MAP2: variants seen among roughly 807,000 people sequenced by gnomAD.
MAP2 encodes the protein microtubule associated protein 2.
MAP2 carries 14 observed loss-of-function variants against 137.6 expected under a neutral mutation model. The observed-to-expected ratio is 0.10, with a 90% CI of 0.07 to 0.16. The LOEUF (loss-of-function observed/expected upper bound fraction) is 0.16. Among genes scored for constraint, MAP2 ranks in the 10% least tolerant of loss-of-function variants. The probability of loss-of-function intolerance (pLI) is 1.00; values close to 1 mark genes in which losing one functional copy is unlikely to be tolerated. For synonymous variants in MAP2, 786 were observed against 782.3 expected (o/e 1.00, Z -0.08); for missense variants, 2,088 against 2,191.5 (o/e 0.95, Z 0.94).
At chr2:209,508,548 A>G (rs553514208) in intron 2 of MAP2, among the ~76,000 whole-genome samples, 1 of 148,016 alleles carries the variant, frequency 6.8e-6, no homozygotes, top group East Asian at 2.0e-4. Flanking sequence ...CCAAATACAT[A>G]TAAGCACACA....
rs1163874064 is a variant in MAP2, at chr2:209,546,722, C to G, written c.-171-33314C>G. Among the ~76,000 whole-genome samples the G allele has an allele frequency of 2.0e-5, 3 of 152,284 alleles. No homozygotes were observed. In the East Asian group the frequency reaches 5.8e-4, roughly 29 times the overall value. Reference sequence around the variant, plus strand: ...CAAAATTTGTTTGATTCTCAAAAGGCCACACTATGTTACAAATCAGAAAAA... The same window carrying G: ...CAAAATTTGTTTGATTCTCAAAAGGGCACACTATGTTACAAATCAGAAAAA... On this transcript the variant is annotated intron_variant, in intron 2 of 15. Coordinates refer to ENST00000682079, the MANE Select transcript of MAP2 (RefSeq NM_001375505.1).
intron 4 of MAP2, among the ~76,000 whole-genome samples, chr2:209,636,832 T>A (rs1378365126): frequency 6.6e-6 from 1 of 152,086 alleles, no homozygotes; most frequent in East Asian, 1.9e-4. Context: ...TTCAAAATAT[T>A]TGTACATGGA....
chr2:209,455,904 T>C (rs1701426576), intron 1 of MAP2, among the ~76,000 whole-genome samples: 1 of 152,182 alleles, frequency 6.6e-6, no homozygotes, highest in Non-Finnish European at 1.5e-5. Flanking sequence ...TGAATGGCTT[T>C]TTGGATTTTC....
intron 2 of MAP2, among the ~76,000 whole-genome samples, chr2:209,578,792 C>T (rs2075759028): frequency 6.6e-6 from 1 of 152,098 alleles, no homozygotes; most frequent in African/African-American, 2.4e-5. Flanking sequence ...CAGATTATGC[C>T]AAAGATTGAA....
At chr2:209,648,473 T>G (rs1582061872) in intron 4 of MAP2, among the ~76,000 whole-genome samples, 1 of 152,072 alleles carries the variant, frequency 6.6e-6, no homozygotes, top group African/African-American at 2.4e-5. Context: ...TGTTTTGTCC[T>G]AAAAAGTAAG....
At chr2:209,710,503 CT>C (rs970445000) in intron 13 of MAP2, 3,706 of 367,690 alleles carry the variant, frequency 0.01, 1 homozygote, top group Middle Eastern at 0.014. Context: ...GATTGACTAA[CT>C]TTTTTTTTTT....
intron 5 of MAP2, among the ~76,000 whole-genome samples, chr2:209,656,386 G>A (rs2095147015): frequency 6.6e-6 from 1 of 152,054 alleles, no homozygotes; most frequent in Admixed American, 6.6e-5. Flanking sequence ...TCACACACCT[G>A]TGGTCCCAGC....
At chr2:209,509,122 C>A (rs1159423367) in intron 2 of MAP2, among the ~76,000 whole-genome samples, 1 of 151,870 alleles carries the variant, frequency 6.6e-6, no homozygotes, top group East Asian at 1.9e-4. Flanking sequence ...AAACTCTTCC[C>A]TTCCTGATTT....
At chr2:209,687,094 A>G (rs1194198085) in intron 7 of MAP2, among the ~76,000 whole-genome samples, 4 of 151,666 alleles carry the variant, frequency 2.6e-5, no homozygotes, top group African/African-American at 4.8e-5. Context: ...ATTTCTTATT[A>G]AGGCAGGAAA....
At chr2:209,518,050 C>T (rs1157847484) in intron 2 of MAP2, among the ~76,000 whole-genome samples, 1 of 151,988 alleles carries the variant, frequency 6.6e-6, no homozygotes, top group East Asian at 1.9e-4. Context: ...AAATCATTCT[C>T]TGTACTTTCA....
intron 1 of MAP2, among the ~76,000 whole-genome samples, chr2:209,465,516 A>G (rs755125035): frequency 1.3e-5 from 2 of 152,186 alleles, no homozygotes; most frequent in Non-Finnish European, 2.9e-5. Flanking sequence ...TACTTTCTCT[A>G]AAAGTTCTGA....
chr2:209,722,622 T>C (rs984966990), intron 13 of MAP2, among the ~76,000 whole-genome samples: 14 of 152,164 alleles, frequency 9.2e-5, no homozygotes, highest in African/African-American at 3.1e-4. Context: ...TAAAGCTTTC[T>C]TTCCATGCTT....
intron 1 of MAP2, among the ~76,000 whole-genome samples, chr2:209,504,098 G>GAA (rs770236091): frequency 2.5e-3 from 334 of 133,978 alleles, no homozygotes; most frequent in African/African-American, 5.0e-3. Context: ...CCTGTCTCTG[G>GAA]AAAAAAAAAA....
chr2:209,448,199 A>G (rs1444568118), intron 1 of MAP2, among the ~76,000 whole-genome samples: 6 of 152,128 alleles, frequency 3.9e-5, no homozygotes, highest in Non-Finnish European at 7.4e-5. Flanking sequence ...AAAGAGGTCT[A>G]TTGTTGAAAT....
intron 1 of MAP2, among the ~76,000 whole-genome samples, chr2:209,486,697 A>T (rs2058430336): frequency 6.6e-6 from 1 of 152,242 alleles, no homozygotes; most frequent in South Asian, 2.1e-4. Flanking sequence ...TAAATACGTT[A>T]TTGAAAAATT....
chr2:209,575,521 A>G lies in MAP2; in HGVS notation c.-171-4515A>G, dbSNP rs781614241. 2.7e-3 allele frequency among the ~76,000 whole-genome samples: 392 copies of G among 143,920 alleles called. 1 individual carries two copies. In the Middle Eastern group the frequency reaches 0.035, roughly 13 times the overall value. The allele number at this position is 143,920 out of a possible 152,430, so 94.4% of individuals were successfully genotyped here. ...GGGCAACAGTGAGACTCCATCTCAAAAAAAAAAAAAAAAAAAAAAAAAATA... is the reference window on the plus strand; with the variant it reads ...GGGCAACAGTGAGACTCCATCTCAAGAAAAAAAAAAAAAAAAAAAAAAATA... On this transcript the variant is annotated intron_variant, in intron 2 of 15. Transcript: ENST00000682079.
chr2:209,633,383 CG>C (rs1329158299), intron 4 of MAP2, among the ~76,000 whole-genome samples: 2 of 152,058 alleles, frequency 1.3e-5, no homozygotes, highest in African/African-American at 4.8e-5. Context: ...ATCATCTTGG[CG>C]TGTCATTATT....
intron 1 of MAP2, among the ~76,000 whole-genome samples, chr2:209,486,573 CA>C (rs1268653106): frequency 1.3e-5 from 2 of 152,292 alleles, no homozygotes; most frequent in African/African-American, 2.4e-5. Flanking sequence ...TCTCGGTTCA[CA>C]GTCAGGCTGT....
At chr2:209,708,365 T>C (rs923964477) in intron 12 of MAP2, among the ~76,000 whole-genome samples, 1 of 152,166 alleles carries the variant, frequency 6.6e-6, no homozygotes, top group African/African-American at 2.4e-5. Context: ...AGTCTAACTA[T>C]CTTGTGCCCT....
Sources: allele counts gnomAD v4.1 joint callset (sites outside exome capture counted in the v4.1 genomes callset), GRCh38; gene constraint gnomAD v4.1.1; transcripts MANE v1.5; gene names NCBI Gene and HGNC (gene_info 2026-07-23, HGNC 2026-07-21).